XPO7: variants seen among roughly 807,000 people sequenced by gnomAD.
XPO7 encodes exportin-7.
XPO7 carries 21 observed loss-of-function variants against 144.3 expected under a neutral mutation model. The observed-to-expected ratio is 0.15, with a 90% confidence interval of 0.10 to 0.21. XPO7 has a LOEUF of 0.21. Among genes scored for constraint, XPO7 ranks in the 10% least tolerant of loss-of-function variants. The pLI is 1.00. For missense variants in XPO7, 808 were observed against 1,325.8 expected, an observed-to-expected ratio of 0.61 and a Z score of 6.06; for synonymous variants, 580 against 499.6, an observed-to-expected ratio of 1.16 and a Z score of -2.15.
intron 6 of XPO7, 50 bp downstream of exon 6, chr8:21,974,824 G>C (rs149362125): frequency 1.4e-6 from 2 of 1,390,066 alleles, no homozygotes; most frequent in Non-Finnish European, 2.0e-6. Flanking sequence ...GAAAGAATGA[G>C]AATGGATGGG....
intron 25 of XPO7, 76 bp downstream of exon 25, chr8:22,002,348 A>G (rs1813179237): frequency 4.0e-6 from 6 of 1,508,950 alleles, no homozygotes; most frequent in Non-Finnish European, 5.4e-6. Flanking sequence ...AGGGGAGCCC[A>G]CACACGATTA....
At chr8:21,947,867 A>T (rs533518385) in intron 1 of XPO7, among the ~76,000 whole-genome samples, 1 of 152,332 alleles carries the variant, frequency 6.6e-6, no homozygotes, top group South Asian at 2.1e-4. Context: ...TGAGCTTCTC[A>T]AGTTGTATGT....
At chr8:21,952,325 G>A (rs1435427737) in intron 1 of XPO7, among the ~76,000 whole-genome samples, 1 of 151,792 alleles carries the variant, frequency 6.6e-6, no homozygotes, top group Non-Finnish European at 1.5e-5. Flanking sequence ...TTTTTTAATG[G>A]AAGCAAATGC....
chr8:21,941,205 A>G (rs951895338), intron 1 of XPO7, among the ~76,000 whole-genome samples: 3 of 149,988 alleles, frequency 2.0e-5, no homozygotes, highest in Non-Finnish European at 4.4e-5. Flanking sequence ...TGGCACAATC[A>G]TGGCTCACTG....
At chr8:21,981,974 A>T in intron 10 of XPO7, 97 bp downstream of exon 10, 1 of 1,522,242 alleles carries the variant, frequency 6.6e-7, no homozygotes, top group East Asian at 2.3e-5. Flanking sequence ...TTCTTGGCAA[A>T]GGTAACCATA....
In XPO7 at chr8:21,999,240, G is replaced by A. The variant is rs1217352325; in HGVS notation, c.2578G>A (p.Ala860Thr). The A allele has an allele frequency of 4.3e-6, 7 of 1,613,840 alleles. No homozygotes were observed. Among genetic ancestry groups the A allele is most frequent in the Admixed American group, 1.7e-5 (1 of 60,010 alleles). Reference protein sequence around the residue: ...FGVFRLYGDDALDNALQTFIK... With the variant: ...FGVFRLYGDDTLDNALQTFIK... ...AGTCTTTCGTCTCTATGGAGACGAT[G>A]CCCTGGACAATGCTCTGCAGACCTT... The change falls in exon 23 of 28, where the codon GCC becomes ACC. Residue 860 changes from alanine to threonine, a missense_variant. Ala to Thr is a moderately conservative substitution (Grantham distance 58). This residue lies in a region of XPO7 where 416 missense variants were observed against 612.5 expected (regional missense o/e 0.68). Coordinates refer to ENST00000252512, the MANE Select transcript of XPO7 (RefSeq NM_015024.5).
rs1585406339 is a variant in XPO7 at position 21,919,786 on chromosome 8, C to T, written c.16C>T (p.Gln6Ter). 4.7e-6 allele frequency: 3 copies of T among 643,918 alleles called. No individual in the cohort carries two copies. Among genetic ancestry groups the T allele is most frequent in the African/African-American group, 1.9e-5 (1 of 51,510 alleles). The allele number at this position is 643,918 out of a possible 1,614,324, so 39.9% of individuals were successfully genotyped here. The change falls in exon 1 of 28, where the codon CAG becomes TAG. Residue 6 changes from glutamine to a stop codon, truncating the protein, a stop_gained and splice_region_variant. Coordinates refer to ENST00000252512, the MANE Select transcript of XPO7 (RefSeq NM_015024.5). LOFTEE classifies it high-confidence loss of function. MADHV[Q>*]SLAQLENLCK... ...ATGGAGCAAAATGGCGGATCATGTG[C>T]AGGTGAGAGGAGCCGCGGGGGGGAG...
Position 22,005,054 on chromosome 8 carries a change from C to G in XPO7, c.3230C>G (p.Thr1077Ser), listed in dbSNP as rs1430151301. The G allele has an allele frequency of 6.2e-7, 1 of 1,613,106 alleles. No homozygotes were observed. ...GTCAACGACTCAATGAAGAATTCCA[C>G]TTATGGCGTGAATAGCAATGACATG... ...REVNDSMKNS[T>S]YGVNSNDMMS Residue 1077 changes from threonine to serine, a missense_variant, in exon 28 of 28, where the codon ACT becomes AGT. Transcript: ENST00000252512.
Position 21,974,716 on chromosome 8 carries a change from C to G in XPO7, c.539C>G (p.Ser180Cys). 1 of 1,593,418 alleles carries G rather than the reference C, an allele frequency of 6.3e-7. No homozygotes were observed. Among genetic ancestry groups the G allele is most frequent in the Non-Finnish European group, 8.6e-7 (1 of 1,169,352 alleles). ...PLTKHRKIASSFRDSSLFDIF... is the reference protein window; with the variant it reads ...PLTKHRKIASCFRDSSLFDIF... ...ACCAAGCACAGAAAAATAGCCTCTT[C>G]TTTTCGCGATTCATCATTATTTGAT... Residue 180 changes from serine (S) to cysteine (C), a missense_variant, in exon 6 of 28, where the codon TCT becomes TGT. Physicochemically the swap from Ser to Cys is moderately radical, Grantham distance 112. Coordinates refer to ENST00000252512, the MANE Select transcript of XPO7 (RefSeq NM_015024.5).
intron 1 of XPO7, among the ~76,000 whole-genome samples, chr8:21,945,438 T>C (rs1236278002): frequency 6.6e-6 from 1 of 152,224 alleles, no homozygotes; most frequent in African/African-American, 2.4e-5. Context: ...GATAAAATTT[T>C]ATACAGACAA....
chr8:21,990,683 C>G (rs1348579404), intron 17 of XPO7, 128 bp from the exon 18 acceptor site: 15 of 983,022 alleles, frequency 1.5e-5, no homozygotes, highest in Admixed American at 2.5e-5. Context: ...AAAAAAAAAC[C>G]TTCAGATCCT....
intron 8 of XPO7, 50 bp from the exon 9 acceptor site, chr8:21,980,034 A>G: frequency 2.0e-6 from 3 of 1,493,000 alleles, no homozygotes; most frequent in Non-Finnish European, 2.7e-6. Context: ...TGGTGAAAGT[A>G]ACTGTACAGT....
chr8:21,971,304 CTG>C (rs1812056417), intron 4 of XPO7, among the ~76,000 whole-genome samples: 1 of 152,198 alleles, frequency 6.6e-6, no homozygotes, highest in East Asian at 1.9e-4. Context: ...TGACTCATGA[CTG>C]TATCTACTTC....
chr8:21,927,970 T>C lies in XPO7; in HGVS notation c.18+8182T>C, dbSNP rs62492073. On this transcript the variant is annotated intron_variant, in intron 1 of 27. Coordinates refer to ENST00000252512, the MANE Select transcript of XPO7 (RefSeq NM_015024.5). ...TCTGTTGCCAGTGGAATAAAATCTT[T>C]CCTTTTTACTAAAATTTTATTCGTA... 3.2e-3 allele frequency among the ~76,000 whole-genome samples: 490 copies of C among 152,334 alleles called. 1 individual carries two copies. Among genetic ancestry groups the C allele is most frequent in the Non-Finnish European group, 5.1e-3 (346 of 68,030 alleles).
chr8:21,955,316 C>T (rs2117298925), intron 1 of XPO7, among the ~76,000 whole-genome samples: 1 of 152,304 alleles, frequency 6.6e-6, no homozygotes. Flanking sequence ...CTTATCAGAA[C>T]TCAAACTGTC....
chr8:21,983,855 C>CCTGCTG (rs77922585), intron 11 of XPO7, among the ~76,000 whole-genome samples: 1 of 151,254 alleles, frequency 6.6e-6, no homozygotes, highest in East Asian at 1.9e-4. Context: ...TGCTGCTGCT[C>CCTGCTG]CTGCTGCTGC....
At position 21,982,576 on chromosome 8, in the gene XPO7, G is replaced by T. The variant is rs1812442117; in HGVS notation, c.1105-64G>T. On this transcript the variant is annotated intron_variant, in intron 10 of 27. Transcript: ENST00000252512. The stretch of plus-strand genomic sequence containing the variant: ...AAAAAAGTCTTTATCTTCTGTGTCA[G>T]TGGCATGGGACTAACACGTACAGAA... The T allele has an allele frequency of 1.1e-5, 17 of 1,483,086 alleles. 1 individual carries two copies. The South Asian group carries it at 1.3e-4, about 11-fold the overall frequency. The allele number at this position is 1,483,086 out of a possible 1,614,324, so 91.9% of individuals were successfully genotyped here.
At chr8:21,975,709 A>C (rs888765480) in intron 6 of XPO7, among the ~76,000 whole-genome samples, 1 of 152,212 alleles carries the variant, frequency 6.6e-6, no homozygotes, top group Non-Finnish European at 1.5e-5. Flanking sequence ...AAAGCTTTTG[A>C]GAAAACTAAG....
chr8:21,950,113 T>G (rs925671401), intron 1 of XPO7, among the ~76,000 whole-genome samples: 2 of 152,234 alleles, frequency 1.3e-5, no homozygotes, highest in Admixed American at 6.5e-5. Flanking sequence ...GACTGACCAC[T>G]GTTGGTCATT....
Sources: gnomAD v4.1 joint callset for allele counts (sites outside exome capture counted in the v4.1 genomes callset) on GRCh38, gnomAD v4.1.1 for gene constraint, gnomAD v4.1.1 regional missense constraint, MANE v1.5 for transcripts, NCBI Gene and HGNC (gene_info 2026-07-23, HGNC 2026-07-21) for gene names.